Variants in SLC17A9 observed in about 807,000 individuals in gnomAD.
The protein encoded by SLC17A9 is voltage-gated purine nucleotide uniporter SLC17A9.
SLC17A9 carries 49 observed loss-of-function variants against 55.0 expected under a neutral mutation model. The ratio of observed to expected loss-of-function variants is 0.89; its 90% confidence interval spans 0.71 to 1.13. SLC17A9 has a LOEUF of 1.13. Ranked by LOEUF, SLC17A9 falls within the 50% of genes most tolerant of loss-of-function variation. The pLI is 0.00. For missense variants in SLC17A9, 526 were observed against 569.3 expected (o/e 0.92, Z 0.77); for synonymous variants, 256 against 247.4 (o/e 1.03, Z -0.32).
At position 62,953,008 on chromosome 20, in the gene SLC17A9, C is replaced by T. The variant is rs551918233; in HGVS notation, c.59+119C>T. ...GGGGAGGGCTGAGCTGGGCGGGCTC[C>T]TCTGGCTGTGGGGCCCCCTGTGTTC... On this transcript the variant is annotated intron_variant, in intron 1 of 12. Transcript: ENST00000370351. 1.8e-5 allele frequency: 24 copies of T among 1,300,158 alleles called. No homozygotes were observed. The East Asian group carries it at 6.1e-4, about 33-fold the overall frequency. The allele number at this position is 1,300,158 out of a possible 1,614,324, so 80.5% of individuals were successfully genotyped here.
intron 5 of SLC17A9, 46 bp from the exon 6 acceptor site, chr20:62,963,227 G>A (rs367609988): frequency 1.2e-5 from 19 of 1,592,502 alleles, no homozygotes; most frequent in Middle Eastern, 1.7e-4. Context: ...AACGGGTGGC[G>A]CCTCCCGCCC....
intron 8 of SLC17A9, among the ~76,000 whole-genome samples, chr20:62,964,622 G>T (rs543770474): frequency 6.6e-6 from 1 of 152,320 alleles, no homozygotes; most frequent in Admixed American, 6.5e-5. Context: ...TTCTGTCTTT[G>T]TTCCATGTGC....
chr20:62,965,096 G>A, intron 8 of SLC17A9, 36 bp from the exon 9 acceptor site: 1 of 1,613,788 alleles, frequency 6.2e-7, no homozygotes, highest in African/African-American at 1.3e-5. Flanking sequence ...GCACGAAAGG[G>A]CTAACGGGAG....
intron 9 of SLC17A9, 126 bp downstream of exon 9, chr20:62,965,292 G>A: frequency 2.3e-6 from 3 of 1,290,060 alleles, no homozygotes; most frequent in Non-Finnish European, 3.3e-6. Flanking sequence ...GCCTCTCCAT[G>A]TGTCCAGCAC....
chr20:62,965,183 G>A lies in SLC17A9; in HGVS notation c.945+17G>A, dbSNP rs375501944. 2.1e-5 allele frequency: 34 copies of A among 1,614,108 alleles called. No homozygotes were observed. The highest frequency in any genetic ancestry group is 5.3e-5 in the African/African-American group (4 of 75,054). Reference sequence around the variant, plus strand: ...CTCATGCAGGTAGGAGAATCATTCCGGTCGTTCTCTCTGGATATCCCTGCT... The same window carrying A: ...CTCATGCAGGTAGGAGAATCATTCCAGTCGTTCTCTCTGGATATCCCTGCT... On this transcript the variant is annotated intron_variant, in intron 9 of 12. Coordinates refer to ENST00000370351, the MANE Select transcript of SLC17A9 (RefSeq NM_022082.4).
At chr20:62,960,442 A>G in intron 3 of SLC17A9, 62 bp from the exon 4 acceptor site, 2 of 1,488,096 alleles carry the variant, frequency 1.3e-6, no homozygotes, top group East Asian at 4.7e-5. Context: ...AAACCTGAGC[A>G]GATAGGCCGG....
chr20:62,953,296 G>A (rs1254414535), intron 1 of SLC17A9: 1 of 1,545,064 alleles, frequency 6.5e-7, no homozygotes, highest in South Asian at 1.2e-5. Context: ...GCTGGAGCCT[G>A]CAGCTGGACG....
At chr20:62,957,889 G>A (rs949105104) in intron 3 of SLC17A9, among the ~76,000 whole-genome samples, 9 of 151,940 alleles carry the variant, frequency 5.9e-5, no homozygotes, top group African/African-American at 4.8e-5. Context: ...GCATGCCCGC[G>A]TGCATGCGTG....
chr20:62,960,395 T>A (rs1213836473), intron 3 of SLC17A9, 109 bp from the exon 4 acceptor site: 9 of 1,001,266 alleles, frequency 9.0e-6, no homozygotes, highest in Non-Finnish European at 1.3e-5. Context: ...GGAGGTGAGC[T>A]AGAGGGACAG....
intron 2 of SLC17A9, 63 bp downstream of exon 2, chr20:62,957,025 C>T (rs1344608645): frequency 6.2e-6 from 10 of 1,601,514 alleles, no homozygotes; most frequent in African/African-American, 2.7e-5. Context: ...CCTCCAGGGG[C>T]GAGTGGGCTG....
At chr20:62,965,870 C>A in intron 10 of SLC17A9, 145 bp downstream of exon 10, 1 of 719,316 alleles carries the variant, frequency 1.4e-6, no homozygotes. Context: ...AGTGACTGCA[C>A]TGAAGACCCA....
intron 2 of SLC17A9, 71 bp from the exon 3 acceptor site, chr20:62,957,370 T>G: frequency 6.6e-7 from 1 of 1,516,328 alleles, no homozygotes; most frequent in Middle Eastern, 1.8e-4. Context: ...ACTCAAGGGC[T>G]GCCCTGAGTC....
At chr20:62,966,434 A>G in intron 10 of SLC17A9, 91 bp from the exon 11 acceptor site, 1 of 1,437,752 alleles carries the variant, frequency 7.0e-7, no homozygotes, top group East Asian at 2.3e-5. Flanking sequence ...TGGCTCCACG[A>G]GACCTTGCTT....
At chr20:62,963,416 GA>G in intron 6 of SLC17A9, 47 bp downstream of exon 6, 1 of 1,589,868 alleles carries the variant, frequency 6.3e-7, no homozygotes, top group East Asian at 2.3e-5. Context: ...CAGGGCCGGT[GA>G]CCATGGGGGT....
chr20:62,952,830 G>A lies in SLC17A9; in HGVS notation c.-1G>A, dbSNP rs527550857. On this transcript the variant is annotated 5_prime_UTR_variant, in exon 1 of 13. Coordinates refer to ENST00000370351, the MANE Select transcript of SLC17A9 (RefSeq NM_022082.4). ...CACGCCGTCTGAGCACCCCAAGCCC[G>A]ATGCAGCCACCCCCAGACGAGGCCC... is the stretch of plus-strand genomic sequence containing the variant. 1.2e-4 allele frequency: 179 copies of A among 1,521,856 alleles called. 2 individuals carry two copies. In the East Asian group the frequency reaches 2.1e-3, roughly 18 times the overall value. The allele number at this position is 1,521,856 out of a possible 1,614,324, so 94.3% of individuals were successfully genotyped here.
At position 62,967,429 on chromosome 20, in the gene SLC17A9, G is replaced by T. The variant is rs1373803285; in HGVS notation, c.1240G>T (p.Gly414Trp). The T allele has an allele frequency of 2.7e-5, 44 of 1,614,064 alleles. No homozygotes were observed. Among genetic ancestry groups the T allele is most frequent in the Non-Finnish European group, 3.6e-5 (42 of 1,180,030 alleles). ...FNLVAIISNL[G>W]LCTFLVFGQA... ...CCTTGTGGCCATCATCAGCAACCTGGGGCTGTGCACCTTCCTGGTGTTTGG... is the reference window on the plus strand; with the variant it reads ...CCTTGTGGCCATCATCAGCAACCTGTGGCTGTGCACCTTCCTGGTGTTTGG... The change falls in exon 13 of 13, where the codon GGG (glycine) becomes TGG (tryptophan). Residue 414 changes from glycine (G) to tryptophan (W), a missense_variant. Transcript: ENST00000370351.
chr20:62,957,490 A>C lies in SLC17A9; in HGVS notation c.307A>C (p.Ile103Leu), dbSNP rs1033287330. Residue 103 changes from isoleucine (I) to leucine (L), a missense_variant, in exon 3 of 13, where the codon ATC becomes CTC. By Grantham distance (5) the Ile-to-Leu change is conservative. Coordinates refer to ENST00000370351, the MANE Select transcript of SLC17A9 (RefSeq NM_022082.4). ...GCTGTCAGCCTCTGCCTGGGGCTCC[A>C]TCACGGCCGTCACCCCACTGCTCGC... ...ILLSASAWGS[I>L]TAVTPLLAHL... 1.2e-6 allele frequency: 2 copies of C among 1,609,338 alleles called. No individual in the cohort carries two copies.
chr20:62,957,661 AGGTG>A, intron 3 of SLC17A9, 81 bp downstream of exon 3: 1 of 1,272,304 alleles, frequency 7.9e-7, no homozygotes, highest in Non-Finnish European at 1.0e-6. Context: ...ATGTGTGTGC[AGGTG>A]CATGCGTGCA....
At chr20:62,963,220 G>C (rs1601095150) in intron 5 of SLC17A9, 53 bp from the exon 6 acceptor site, 2 of 1,579,520 alleles carry the variant, frequency 1.3e-6, no homozygotes, top group African/African-American at 1.3e-5. Flanking sequence ...CTTTGGCAAC[G>C]GGTGGCGCCT....
Sources: allele counts gnomAD v4.1 joint callset (sites outside exome capture counted in the v4.1 genomes callset), GRCh38; gene constraint gnomAD v4.1.1; transcripts MANE v1.5; gene names NCBI Gene and HGNC (gene_info 2026-07-23, HGNC 2026-07-21).